DLGAP2: variants seen among roughly 807,000 people sequenced by gnomAD.
The protein encoded by DLGAP2 is DLG associated protein 2, also known as disks large-associated protein 2.
In DLGAP2, 26 loss-of-function variants were observed where a neutral mutation model predicts 100.3. That is an observed-to-expected ratio of 0.26 (90% CI 0.19 to 0.36). DLGAP2 has a LOEUF of 0.36. DLGAP2 is among the 10% of genes least tolerant of loss of function. The probability of loss-of-function intolerance (pLI) is 1.00; values close to 1 mark genes in which losing one functional copy is unlikely to be tolerated. For synonymous variants in DLGAP2, 886 were observed against 630.1 expected (o/e 1.41, Z -6.08); for missense variants, 1,858 against 1,453.2 (o/e 1.28, Z -4.53).
chr8:1,008,425 T>C (rs1407063951), intron 2 of DLGAP2, among the ~76,000 whole-genome samples: 3 of 152,246 alleles, frequency 2.0e-5, no homozygotes, highest in African/African-American at 7.2e-5. Flanking sequence ...ATTCTAGTAA[T>C]AGGCAACTCA....
intron 3 of DLGAP2, among the ~76,000 whole-genome samples, chr8:1,264,179 G>T (rs1799406178): frequency 6.6e-6 from 1 of 152,006 alleles, no homozygotes; most frequent in African/African-American, 2.4e-5. Context: ...AAAGAAAGGG[G>T]ATCCCCTGAG....
chr8:1,414,070 G>A (rs1796809595), intron 3 of DLGAP2, among the ~76,000 whole-genome samples: 2 of 152,212 alleles, frequency 1.3e-5, no homozygotes, highest in Non-Finnish European at 2.9e-5. Flanking sequence ...TTCCTCTGCT[G>A]TTAGTGTTGG....
At chr8:1,380,962 A>G (rs10097636) in intron 3 of DLGAP2, 1 of 139,228 alleles carries the variant, frequency 7.2e-6, no homozygotes, top group Non-Finnish European at 1.6e-5. Context: ...AAAAAAAAAC[A>G]CCCAAAAGGC....
intron 3 of DLGAP2, among the ~76,000 whole-genome samples, chr8:1,486,329 C>G (rs1799236257): frequency 6.6e-6 from 1 of 152,192 alleles, no homozygotes; most frequent in South Asian, 2.1e-4. Context: ...GCAGCCAAGA[C>G]AGGTGGGGCC....
chr8:1,478,186 A>G (rs901056626), intron 3 of DLGAP2, among the ~76,000 whole-genome samples: 1 of 152,116 alleles, frequency 6.6e-6, no homozygotes, highest in East Asian at 1.9e-4. Flanking sequence ...CATCTTACCC[A>G]TGAGCCTGTA....
At chr8:1,249,895 T>G (rs888099252) in intron 2 of DLGAP2, among the ~76,000 whole-genome samples, 1 of 152,146 alleles carries the variant, frequency 6.6e-6, no homozygotes, top group African/African-American at 2.4e-5. Flanking sequence ...ATTTTCTTTT[T>G]TTTGAGAGAG....
intron 4 of DLGAP2, among the ~76,000 whole-genome samples, chr8:1,537,950 ATAAG>A (rs1234525926): frequency 1.3e-5 from 2 of 152,224 alleles, no homozygotes; most frequent in Non-Finnish European, 2.9e-5. Flanking sequence ...TGGAGTGGCC[ATAAG>A]TAAGGAGGTG....
intron 3 of DLGAP2, among the ~76,000 whole-genome samples, chr8:1,423,191 T>A (rs1797146664): frequency 6.6e-6 from 1 of 152,224 alleles, no homozygotes; most frequent in Admixed American, 6.5e-5. Flanking sequence ...AGTTTTGAAT[T>A]CAACCAGCAG....
At chr8:886,062 C>A (rs1429566626) in intron 1 of DLGAP2, among the ~76,000 whole-genome samples, 1 of 152,160 alleles carries the variant, frequency 6.6e-6, no homozygotes, top group East Asian at 1.9e-4. Flanking sequence ...CTATTAATTA[C>A]TGCCTCAATT....
At chr8:960,164 T>TA (rs1027331974) in intron 2 of DLGAP2, among the ~76,000 whole-genome samples, 4 of 151,398 alleles carry the variant, frequency 2.6e-5, no homozygotes, top group Non-Finnish European at 5.9e-5. Context: ...GGTTCTTACA[T>TA]GCTGTTAGAA....
chr8:1,409,487 C>G (rs1478004430), intron 3 of DLGAP2, among the ~76,000 whole-genome samples: 2 of 152,224 alleles, frequency 1.3e-5, no homozygotes, highest in African/African-American at 2.4e-5. Flanking sequence ...TCTCCAGACA[C>G]AAGTTCAAGA....
At chr8:1,573,512 C>T (rs937923199) in intron 6 of DLGAP2, among the ~76,000 whole-genome samples, 3 of 152,062 alleles carry the variant, frequency 2.0e-5, no homozygotes, top group African/African-American at 7.2e-5. Flanking sequence ...GTCCTTTAGA[C>T]CCCTGACTGC....
intron 1 of DLGAP2, among the ~76,000 whole-genome samples, chr8:830,316 C>T (rs1796757823): frequency 6.6e-6 from 1 of 152,082 alleles, no homozygotes; most frequent in South Asian, 2.1e-4. Context: ...TCCAATTATA[C>T]CCTTTTAGAT....
intron 2 of DLGAP2, among the ~76,000 whole-genome samples, chr8:1,021,120 A>G (rs1410315170): frequency 1.3e-5 from 2 of 152,218 alleles, no homozygotes; most frequent in African/African-American, 2.4e-5. Context: ...GTGCCTACAG[A>G]TAATTAATAT....
At chr8:1,148,485 G>A (rs1796644250) in intron 2 of DLGAP2, among the ~76,000 whole-genome samples, 2 of 151,718 alleles carry the variant, frequency 1.3e-5, no homozygotes, top group South Asian at 2.1e-4. Flanking sequence ...TTCTTCATTT[G>A]GATTTAATTT....
intron 2 of DLGAP2, among the ~76,000 whole-genome samples, chr8:926,025 C>T (rs748896278): frequency 1.1e-4 from 17 of 152,122 alleles, no homozygotes; most frequent in Non-Finnish European, 1.5e-4. Flanking sequence ...CCGGGCCGCT[C>T]GGGGGCACAG....
At chr8:1,142,755 G>A (rs1796543368) in intron 2 of DLGAP2, among the ~76,000 whole-genome samples, 1 of 152,096 alleles carries the variant, frequency 6.6e-6, no homozygotes, top group Non-Finnish European at 1.5e-5. Flanking sequence ...TTCTAGGCAT[G>A]GGGAGGGTGA....
At chr8:1,036,996 A>G (rs12682526) in intron 2 of DLGAP2, among the ~76,000 whole-genome samples, 3,778 of 152,178 alleles carry the variant, frequency 0.025, 201 homozygotes, top group East Asian at 0.15. Context: ...GAGCCTCCTG[A>G]GCCAGTGACT....
chr8:1,502,150 T>C (rs548662172), intron 4 of DLGAP2, among the ~76,000 whole-genome samples: 33 of 152,340 alleles, frequency 2.2e-4, no homozygotes, highest in Non-Finnish European at 4.3e-4. Flanking sequence ...CTGTGGTTAT[T>C]CTCTAACCTA....
Sources: allele counts gnomAD v4.1 joint callset (sites outside exome capture counted in the v4.1 genomes callset), GRCh38; gene constraint gnomAD v4.1.1; transcripts MANE v1.5; gene names NCBI Gene and HGNC (gene_info 2026-07-23, HGNC 2026-07-21).